Variants in PLXDC2 observed in about 807,000 individuals in gnomAD.
PLXDC2 encodes plexin domain containing 2, also known as plexin domain-containing protein 2.
PLXDC2 carries 40 observed loss-of-function variants against 68.9 expected under a neutral mutation model. The observed-to-expected ratio is 0.58, with a 90% confidence interval of 0.45 to 0.76. The LOEUF is 0.76. Ranked by LOEUF, PLXDC2 falls within the 30% of genes least tolerant of loss-of-function variation. The pLI, the probability that PLXDC2 is intolerant of heterozygous loss-of-function variation, is 0.00. For synonymous variants in PLXDC2, 243 were observed against 234.2 expected (o/e 1.04, Z -0.34); for missense variants, 644 against 661.9 (o/e 0.97, Z 0.30).
chr10:20,015,354 G>A (rs763687978), intron 2 of PLXDC2, among the ~76,000 whole-genome samples: 7 of 152,052 alleles, frequency 4.6e-5, no homozygotes, highest in African/African-American at 1.2e-4. Flanking sequence ...GTGTGTGCAC[G>A]TGTCTGTGTG....
At chr10:20,114,138 TAA>T (rs1474176163) in intron 4 of PLXDC2, among the ~76,000 whole-genome samples, 1 of 152,054 alleles carries the variant, frequency 6.6e-6, no homozygotes, top group Non-Finnish European at 1.5e-5. Flanking sequence ...CAAAATAAAA[TAA>T]AACAGAAAAC....
chr10:20,261,711 G>C (rs866165089), intron 13 of PLXDC2, among the ~76,000 whole-genome samples: 2 of 151,976 alleles, frequency 1.3e-5, no homozygotes, highest in Non-Finnish European at 2.9e-5. Context: ...AAAATTATCC[G>C]GGGGTGGTAG....
chr10:20,277,902 T>C (rs994534375), intron 13 of PLXDC2, among the ~76,000 whole-genome samples: 1 of 152,172 alleles, frequency 6.6e-6, no homozygotes, highest in Non-Finnish European at 1.5e-5. Context: ...GTTTAATTGT[T>C]TTGATTCTTA....
At chr10:19,895,920 TA>T (rs1229870927) in intron 1 of PLXDC2, among the ~76,000 whole-genome samples, 3 of 152,186 alleles carry the variant, frequency 2.0e-5, no homozygotes, top group South Asian at 2.1e-4. Context: ...ACTCTGTCTC[TA>T]AAAAAATTTT....
intron 13 of PLXDC2, among the ~76,000 whole-genome samples, chr10:20,248,258 T>A (rs1483297931): frequency 6.6e-6 from 1 of 152,214 alleles, no homozygotes; most frequent in Non-Finnish European, 1.5e-5. Context: ...AATATTGTTT[T>A]GAGTATTAGT....
intron 1 of PLXDC2, among the ~76,000 whole-genome samples, chr10:19,990,099 T>A (rs1007927841): frequency 5.3e-5 from 8 of 152,094 alleles, no homozygotes; most frequent in African/African-American, 1.7e-4. Flanking sequence ...AGGATTTTTT[T>A]TTTATTTATA....
rs73601643 is a variant in PLXDC2, at chr10:19,910,794, A to T, written c.113-90981A>T. On this transcript the variant is annotated intron_variant, in intron 1 of 13. Transcript: ENST00000377252. ...GGGAGGCCGAGGCAGGTGAATCATG[A>T]GGTCAGGCATCCGGGACCAGCCTAG... Among the ~76,000 whole-genome samples the T allele has an allele frequency of 5.1e-3, 773 of 151,832 alleles. 3 individuals carry two copies. Among genetic ancestry groups the T allele is most frequent in the African/African-American group, 0.018 (731 of 41,426 alleles).
In PLXDC2 at chr10:20,037,323, C is replaced by T. The variant is rs1440411967; in HGVS notation, c.325-9546C>T. On this transcript the variant is annotated intron_variant, in intron 2 of 13. Coordinates refer to ENST00000377252, the MANE Select transcript of PLXDC2 (RefSeq NM_032812.9). Reference sequence around the variant, plus strand: ...AAGTTGGCAGTTCACCTAACTCTGCCTCAGATTCTCTTTCTGGCATCTTCT... The same window carrying T: ...AAGTTGGCAGTTCACCTAACTCTGCTTCAGATTCTCTTTCTGGCATCTTCT... Among the ~76,000 whole-genome samples, 3 of 151,332 alleles carry T rather than the reference C, an allele frequency of 2.0e-5. No homozygotes were observed. The East Asian group carries it at 5.8e-4, about 29-fold the overall frequency.
chr10:19,923,441 T>C (rs1188186630), intron 1 of PLXDC2, among the ~76,000 whole-genome samples: 2 of 152,140 alleles, frequency 1.3e-5, no homozygotes, highest in African/African-American at 4.8e-5. Context: ...AATCAAAGGA[T>C]TTATATAATT....
intron 3 of PLXDC2, among the ~76,000 whole-genome samples, chr10:20,055,491 T>G (rs539945514): frequency 2.6e-5 from 4 of 152,284 alleles, no homozygotes; most frequent in Non-Finnish European, 4.4e-5. Flanking sequence ...TTAATTTACT[T>G]TCTCTATTAG....
chr10:20,037,403 A>C (rs936230257), intron 2 of PLXDC2, among the ~76,000 whole-genome samples: 3 of 151,452 alleles, frequency 2.0e-5, no homozygotes, highest in Non-Finnish European at 4.4e-5. Flanking sequence ...GTACATGTGC[A>C]CAACGTGCAG....
intron 3 of PLXDC2, among the ~76,000 whole-genome samples, chr10:20,062,430 A>G (rs1203834189): frequency 2.6e-5 from 4 of 152,166 alleles, no homozygotes; most frequent in Non-Finnish European, 2.9e-5. Flanking sequence ...CTCAATAAAT[A>G]AATAAATAAT....
chr10:19,979,786 C>T (rs764254337), intron 1 of PLXDC2, among the ~76,000 whole-genome samples: 3 of 152,186 alleles, frequency 2.0e-5, no homozygotes, highest in African/African-American at 4.8e-5. Flanking sequence ...GGGTTAGTTA[C>T]ATGACTAAAC....
intron 4 of PLXDC2, among the ~76,000 whole-genome samples, chr10:20,094,134 A>G (rs775349658): frequency 5.9e-5 from 9 of 152,336 alleles, no homozygotes; most frequent in South Asian, 2.1e-4. Flanking sequence ...TTTGCCATGT[A>G]TTAAATCTTT....
intron 5 of PLXDC2, 138 bp downstream of exon 5, chr10:20,143,555 T>C: frequency 9.8e-7 from 1 of 1,019,250 alleles, no homozygotes; most frequent in Non-Finnish European, 1.4e-6. Context: ...AGGACAAATA[T>C]TATACTGCTA....
In PLXDC2 at chr10:19,924,561, C is replaced by T. The variant is rs575163622; in HGVS notation, c.113-77214C>T. Among the ~76,000 whole-genome samples, 7 of 152,232 alleles carry T rather than the reference C, an allele frequency of 4.6e-5. No individual in the cohort carries two copies. In the South Asian group the frequency reaches 1.2e-3, roughly 27 times the overall value. On this transcript the variant is annotated intron_variant, in intron 1 of 13. Transcript: ENST00000377252. ...GTATTCACAGATGAAAACATTGAAACCTAAATGGAAAACAATCTTTCCCAG... is the reference window on the plus strand; with the variant it reads ...GTATTCACAGATGAAAACATTGAAATCTAAATGGAAAACAATCTTTCCCAG...
intron 1 of PLXDC2, among the ~76,000 whole-genome samples, chr10:19,950,394 A>G (rs548185966): frequency 9.8e-4 from 149 of 152,282 alleles, no homozygotes; most frequent in African/African-American, 3.4e-3. Context: ...CAAATCAAGA[A>G]CAAAATCTCA....
chr10:19,902,812 G>A (rs1390858221), intron 1 of PLXDC2, among the ~76,000 whole-genome samples: 2 of 152,156 alleles, frequency 1.3e-5, no homozygotes, highest in African/African-American at 4.8e-5. Context: ...GTTTGCTGTG[G>A]ATTTGTCATA....
At position 20,068,028 on chromosome 10, in the gene PLXDC2, G is replaced by A. The variant is rs538081193; in HGVS notation, c.472-142G>A. On this transcript the variant is annotated intron_variant, in intron 3 of 13. Coordinates refer to ENST00000377252, the MANE Select transcript of PLXDC2 (RefSeq NM_032812.9). ...AGAAAAAATATTCTTTAGTACGACC[G>A]AGGACTCAGGTTTTAAAAGAGAACT... 539 of 625,652 alleles carry A rather than the reference G, an allele frequency of 8.6e-4. 6 individuals are homozygous for A. The South Asian group carries it at 0.011, about 13-fold the overall frequency. The allele number at this position is 625,652 out of a possible 1,614,324, so 38.8% of individuals were successfully genotyped here.
Sources: gnomAD v4.1 joint callset for allele counts (sites outside exome capture counted in the v4.1 genomes callset) on GRCh38, gnomAD v4.1.1 for gene constraint, MANE v1.5 for transcripts, NCBI Gene and HGNC (gene_info 2026-07-23, HGNC 2026-07-21) for gene names.